Variants in IGHMBP2 observed in about 807,000 individuals in gnomAD.
IGHMBP2 encodes immunoglobulin mu DNA binding protein 2, also known as DNA-binding protein SMUBP-2.
A neutral mutation model predicts 96.0 loss-of-function variants in IGHMBP2; 81 were observed. The ratio of observed to expected loss-of-function variants is 0.84; its 90% CI spans 0.71 to 1.01. IGHMBP2 has a LOEUF of 1.01. Among genes scored for constraint, IGHMBP2 ranks in the 50% least tolerant of loss-of-function variants. IGHMBP2 has a pLI of 0.00. For synonymous variants in IGHMBP2, 557 were observed against 548.9 expected, an observed-to-expected ratio of 1.01 and a Z score of -0.21; for missense variants, 1,227 against 1,306.3, an observed-to-expected ratio of 0.94 and a Z score of 0.94.
intron 6 of IGHMBP2, among the ~76,000 whole-genome samples, chr11:68,916,497 C>A (rs1389121856): frequency 6.6e-6 from 1 of 152,196 alleles, no homozygotes; most frequent in Non-Finnish European, 1.5e-5. Flanking sequence ...ACTGTCGGTA[C>A]TGGTACTCCT....
chr11:68,918,264 T>C (rs1858745689), intron 7 of IGHMBP2, among the ~76,000 whole-genome samples: 1 of 152,052 alleles, frequency 6.6e-6, no homozygotes, highest in Admixed American at 6.5e-5. Context: ...CTGGTTTGTG[T>C]GCTCTTTTTT....
At chr11:68,930,998 T>C (rs1160791685) in intron 8 of IGHMBP2, among the ~76,000 whole-genome samples, 3 of 152,100 alleles carry the variant, frequency 2.0e-5, no homozygotes, top group African/African-American at 7.2e-5. Flanking sequence ...GGTCCATGGG[T>C]GGCCATGGGC....
intron 7 of IGHMBP2, among the ~76,000 whole-genome samples, chr11:68,927,554 A>T (rs139237992): frequency 2.6e-5 from 4 of 152,204 alleles, no homozygotes; most frequent in African/African-American, 9.7e-5. Flanking sequence ...GGCCTTCTAG[A>T]TTCCCAGGAA....
In IGHMBP2 at chr11:68,913,815, G is replaced by A. The variant is rs375704500; in HGVS notation, c.712-1008G>A. Among the ~76,000 whole-genome samples the A allele has an allele frequency of 1.2e-4, 18 of 152,274 alleles. No homozygotes were observed. The East Asian group carries it at 3.3e-3, about 28-fold the overall frequency. On this transcript the variant is annotated intron_variant, in intron 5 of 14. Transcript: ENST00000255078. ...CATGCCTGCAGTCTCAGCTACTTGG[G>A]AGGCTGAGCCAGGAAGATAGCTTGA...
At position 68,904,152 on chromosome 11, in the gene IGHMBP2, C is replaced by G. The variant is rs117300097; in HGVS notation, c.86+114C>G. ...GGCGGGAATTTCGTCTCCGACCCTT[C>G]GAGTCAGGGGCAGGGATCGTCCGTC... On this transcript the variant is annotated intron_variant, in intron 1 of 14. Transcript: ENST00000255078. The G allele has an allele frequency of 6.9e-3, 6,036 of 874,488 alleles. 52 individuals are homozygous for G. The highest frequency in any genetic ancestry group is 0.02 in the Middle Eastern group (61 of 3,086). 54.2% of individuals were successfully genotyped at this position (874,488 alleles called of 1,614,324 possible). A position where few individuals can be genotyped will look rare whatever the true frequency, so the allele number is the denominator to read the frequency against.
In IGHMBP2 at chr11:68,917,765, A is replaced by G. The variant is rs1594431641; in HGVS notation, c.942A>G (p.Arg314=). Reference sequence around the variant, plus strand: ...AAAACAAAAAGACCCAGGATAAGAGAGAGAAAAGTAATTTTCGAAATGAAA... The same window carrying G: ...AAAACAAAAAGACCCAGGATAAGAGGGAGAAAAGTAATTTTCGAAATGAAA... ...FVKNKKTQDK[R]EKSNFRNEIK... The change falls in exon 7 of 15, where the codon AGA becomes AGG. Residue 314 remains arginine, a synonymous_variant. Transcript: ENST00000255078. 1 of 1,613,030 alleles carries G rather than the reference A, an allele frequency of 6.2e-7. No homozygotes were observed. The highest frequency in any genetic ancestry group is 8.5e-7 in the Non-Finnish European group (1 of 1,179,040).
At chr11:68,938,498 A>G in intron 14 of IGHMBP2, 144 bp downstream of exon 14, 2 of 717,402 alleles carry the variant, frequency 2.8e-6, no homozygotes, top group Non-Finnish European at 4.5e-6. Context: ...CAGAAATCAG[A>G]CACTGACTCA....
At chr11:68,930,823 CCT>C (rs1305421901) in intron 8 of IGHMBP2, among the ~76,000 whole-genome samples, 2 of 152,154 alleles carry the variant, frequency 1.3e-5, no homozygotes, top group Non-Finnish European at 2.9e-5. Flanking sequence ...GAGGGTGGCT[CCT>C]CTCTGCAGGC....
At chr11:68,930,104 C>T (rs1859226651) in intron 8 of IGHMBP2, 2 of 1,184,756 alleles carry the variant, frequency 1.7e-6, no homozygotes, top group Admixed American at 3.7e-5. Flanking sequence ...GATGAACCCT[C>T]TGCATGGTAT....
At position 68,938,331 on chromosome 11, in the gene IGHMBP2, T is replaced by C; in HGVS notation, c.2761T>C (p.Cys921Arg). ...QFCQLCSRRY[C>R]LSHHLPEIHG... is the part of the protein sequence containing the mutation. The stretch of plus-strand genomic sequence containing the variant: ...CTGCCAGCTCTGCAGCCGCCGCTAC[T>C]GCCTCAGCCACCACCTGCCCGAGGT... Residue 921 changes from cysteine (C) to arginine (R), a missense_variant, in exon 14 of 15, where the codon TGC becomes CGC. Cys to Arg is a radical substitution (Grantham distance 180, BLOSUM62 -3). Around this residue, in one of 3 missense-constraint regions of IGHMBP2, gnomAD observed 703 missense variants for 770.3 expected, o/e 0.91. Transcript: ENST00000255078. The C allele has an allele frequency of 1.2e-6, 2 of 1,611,544 alleles. No homozygotes were observed. Among genetic ancestry groups the C allele is most frequent in the East Asian group, 2.2e-5 (1 of 44,842 alleles).
Position 68,936,829 on chromosome 11 carries a change from C to T in IGHMBP2, c.2349C>T (p.Ser783=). ...GGAAGAGGAGGTTCATCACTGTGAG[C>T]AAGAGGGCCCCGCGACCCCGAGCAG... ...GEGKRRFITV[S]KRAPRPRAAL... is the part of the protein sequence containing the mutation. The change falls in exon 13 of 15, where the codon AGC becomes AGT. Residue 783 remains serine (S), a synonymous_variant. Transcript: ENST00000255078. The T allele has an allele frequency of 6.2e-7, 1 of 1,613,702 alleles. No homozygotes were observed. Among genetic ancestry groups the T allele is most frequent in the South Asian group, 1.1e-5 (1 of 91,078 alleles).
At position 68,936,867 on chromosome 11, in the gene IGHMBP2, C is replaced by T. The variant is rs765817506; in HGVS notation, c.2387C>T (p.Pro796Leu). 1.9e-6 allele frequency: 3 copies of T among 1,612,332 alleles called. No individual in the cohort carries two copies. Among genetic ancestry groups the T allele is most frequent in the Non-Finnish European group, 2.5e-6 (3 of 1,179,678 alleles). Residue 796 changes from proline to leucine, a missense_variant, in exon 13 of 15, where the codon CCA becomes CTA. Physicochemically the swap from Pro to Leu is moderately conservative, Grantham distance 98 (BLOSUM62 -3). Coordinates refer to ENST00000255078, the MANE Select transcript of IGHMBP2 (RefSeq NM_002180.3). ...CGACCCCGAGCAGCCCTGGGACCCC[C>T]AGCAGGGACCGGTGGCCCAGCCCCT... is the stretch of plus-strand genomic sequence containing the variant. ...APRPRAALGP[P>L]AGTGGPAPLQ...
chr11:68,938,219 T>G lies in IGHMBP2; in HGVS notation c.2649T>G (p.Phe883Leu), dbSNP rs772539742. 24 of 1,613,950 alleles carry G rather than the reference T, an allele frequency of 1.5e-5. No individual in the cohort carries two copies. The highest frequency in any genetic ancestry group is 1.9e-5 in the Non-Finnish European group (23 of 1,180,032). ...CAGATCTGCCCACGGAGGAGGACTT[T>G]GAGGCCCTGGTTTCTGCCGCCGTTA... Reference protein sequence around the residue: ...PATDLPTEEDFEALVSAAVKA... With the variant: ...PATDLPTEEDLEALVSAAVKA... The change falls in exon 14 of 15, where the codon TTT becomes TTG. Residue 883 changes from phenylalanine (F) to leucine (L), a missense_variant. By Grantham distance (22) the Phe-to-Leu change is conservative. Transcript: ENST00000255078.
chr11:68,936,150 T>C (rs1694012800), intron 12 of IGHMBP2, 87 bp from the exon 13 acceptor site: 2 of 1,494,604 alleles, frequency 1.3e-6, no homozygotes, highest in South Asian at 1.1e-5. Flanking sequence ...ACTACACTTT[T>C]GGTGGTGGTT....
At chr11:68,929,768 C>T in intron 8 of IGHMBP2, 5 of 985,384 alleles carry the variant, frequency 5.1e-6, no homozygotes, top group Non-Finnish European at 6.0e-6. Context: ...GGATGGAGGG[C>T]ACTGGGCAGA....
intron 8 of IGHMBP2, among the ~76,000 whole-genome samples, chr11:68,931,858 T>C (rs1159294496): frequency 6.6e-6 from 1 of 152,120 alleles, no homozygotes; most frequent in Admixed American, 6.5e-5. Flanking sequence ...GACCCTGTTG[T>C]GTAGGAGGGA....
intron 3 of IGHMBP2, 28 bp downstream of exon 3, chr11:68,908,365 G>A: frequency 6.2e-7 from 1 of 1,600,064 alleles, no homozygotes; most frequent in Non-Finnish European, 8.6e-7. Context: ...GAAATCCTAA[G>A]TACCATCTTC....
At chr11:68,913,328 G>C (rs2154007069) in intron 5 of IGHMBP2, among the ~76,000 whole-genome samples, 1 of 152,278 alleles carries the variant, frequency 6.6e-6, no homozygotes, top group African/African-American at 2.4e-5. Context: ...ACACACCTGT[G>C]TGCACGCTTT....
chr11:68,908,797 G>A lies in IGHMBP2; in HGVS notation c.547+166G>A, dbSNP rs79737766. 5.6e-3 allele frequency among the ~76,000 whole-genome samples: 852 copies of A among 150,846 alleles called. 6 individuals carry two copies. The highest frequency in any genetic ancestry group is 0.011 in the South Asian group (52 of 4,746). On this transcript the variant is annotated intron_variant, in intron 4 of 14. Transcript: ENST00000255078. ...CGGAGGGCCTTGCATGAACTGGACC[G>A]TCCTCCTTGTACTCAGTCCTAATGA...
Sources: allele counts gnomAD v4.1 joint callset (sites outside exome capture counted in the v4.1 genomes callset), GRCh38; gene constraint gnomAD v4.1.1; regional missense constraint gnomAD v4.1.1; transcripts MANE v1.5; gene names NCBI Gene and HGNC (gene_info 2026-07-23, HGNC 2026-07-21).